The following USP51 variants were observed in gnomAD, a reference collection of about 807,000 sequenced individuals.
USP51 encodes the protein ubiquitin specific peptidase 51.
A neutral mutation model predicts 17.6 loss-of-function variants in USP51; 5 were observed. The ratio of observed to expected loss-of-function variants is 0.28; its 90% CI spans 0.15 to 0.60. The LOEUF (loss-of-function observed/expected upper bound fraction) is 0.60. Among genes scored for constraint, USP51 ranks in the 20% least tolerant of loss-of-function variants. The pLI is 0.88. For synonymous variants in USP51, 248 were observed against 216.1 expected, an observed-to-expected ratio of 1.15 and a Z score of -1.29; for missense variants, 459 against 559.5, an observed-to-expected ratio of 0.82 and a Z score of 1.81.
Position 55,488,381 on chromosome X carries a change from C to T in USP51, c.559G>A (p.Glu187Lys). 1 of 1,211,314 alleles carries T rather than the reference C, an allele frequency of 8.3e-7. No individual in the cohort carries two copies. Among genetic ancestry groups the T allele is most frequent in the South Asian group, 1.8e-5 (1 of 56,811 alleles). The change falls in exon 3 of 3, where the codon GAG becomes AAG. Residue 187 changes from glutamate (E) to lysine (K), a missense_variant. Physicochemically the swap from Glu to Lys is moderately conservative, Grantham distance 56. Transcript: ENST00000500968. ...GGLGDWLLEV[E>K]FGQGPTGCSH... ...CAGCCTGTGGGACCCTGACCAAACT[C>T]GACCTCCAGCAACCAGTCCCCTAAG...
chrX:55,488,890 C>T lies in USP51; in HGVS notation c.50G>A (p.Trp17Ter), dbSNP rs1434330913. 8.3e-6 allele frequency: 10 copies of T among 1,209,025 alleles called. No individual in the cohort carries two copies. Among genetic ancestry groups the T allele is most frequent in the Admixed American group, 2.2e-5 (1 of 45,982 alleles). ...GGCTCCTCCCCCACCTCCGGAGATCCAGCGGACCCCAGAGCCGGAGGGCAA... is the reference window on the plus strand; with the variant it reads ...GGCTCCTCCCCCACCTCCGGAGATCTAGCGGACCCCAGAGCCGGAGGGCAA... ...TSLPSGSGVR[W>*]ISGGGGGASP... The change falls in exon 3 of 3, where the codon TGG becomes TAG. Residue 17 changes from tryptophan to a stop codon, truncating the protein, a stop_gained. Coordinates refer to ENST00000500968, the MANE Select transcript of USP51 (RefSeq NM_201286.4). LOFTEE classifies it low-confidence loss of function (END_TRUNC).
Position 55,487,966 on chromosome X carries a change from A to T in USP51, c.974T>A (p.Met325Lys). The T allele has an allele frequency of 2.5e-6, 3 of 1,199,689 alleles. No individual in the cohort carries two copies. Among genetic ancestry groups the T allele is most frequent in the Middle Eastern group, 2.3e-4 (1 of 4,284 alleles). Residue 325 changes from methionine to lysine, a missense_variant, in exon 3 of 3, where the codon ATG becomes AAG. By Grantham distance (95) the Met-to-Lys change is moderately conservative. This residue lies in a region of USP51 where 227 missense variants were observed against 365.5 expected (regional missense o/e 0.62). Coordinates refer to ENST00000500968, the MANE Select transcript of USP51 (RefSeq NM_201286.4). ...TTGCTTGTCTTCAAACCCTGATGTC[A>T]TAAACTGTTGATGAGAAACATCTGT... Reference protein sequence around the residue: ...TSTDVSHQQFMTSGFEDKQST... With the variant: ...TSTDVSHQQFKTSGFEDKQST...
At position 55,486,685 on chromosome X, in the gene USP51, T is replaced by C; in HGVS notation, c.*119A>G. 1 of 999,894 alleles carries C rather than the reference T, an allele frequency of 1.0e-6. No individual in the cohort carries two copies. The highest frequency in any genetic ancestry group is 1.3e-6 in the Non-Finnish European group (1 of 752,158). 82.4% of individuals were successfully genotyped at this position (999,894 alleles called of 1,213,427 possible). ...GCCATGCTAAAATAGGTTCTTTATA[T>C]CAAGATACTAGCTGTCACATAGGTG... On this transcript the variant is annotated 3_prime_UTR_variant, in exon 3 of 3. Coordinates refer to ENST00000500968, the MANE Select transcript of USP51 (RefSeq NM_201286.4).
chrX:55,485,845 C>T lies in USP51; in HGVS notation c.*959G>A, dbSNP rs781614074. The T allele has an allele frequency of 9.0e-6, 1 of 110,511 alleles. No individual in the cohort carries two copies. Among genetic ancestry groups the T allele is most frequent in the Admixed American group, 9.6e-5 (1 of 10,432 alleles). 9.1% of individuals were successfully genotyped at this position (110,511 alleles called of 1,213,427 possible). A position where few individuals can be genotyped will look rare whatever the true frequency, so the allele number is the denominator to read the frequency against. Reference sequence around the variant, plus strand: ...TATTTTTTCAATTTTTGTCTTTAAACACATTTTGTCTTTTTGTCTTGAATT... The same window carrying T: ...TATTTTTTCAATTTTTGTCTTTAAATACATTTTGTCTTTTTGTCTTGAATT... On this transcript the variant is annotated 3_prime_UTR_variant, in exon 3 of 3. Transcript: ENST00000500968.
rs1402872612 is a variant in USP51 at position 55,485,886 on chromosome X, C to G, written c.*918G>C. On this transcript the variant is annotated 3_prime_UTR_variant, in exon 3 of 3. Transcript: ENST00000500968. ...GTCTTGAATTATTCTAAACTTGCCT[C>G]TTTTAAAACTTTTCTCTAAAATCTG... 9.0e-6 allele frequency: 1 copy of G among 111,046 alleles called. No homozygotes were observed. Among genetic ancestry groups the G allele is most frequent in the African/African-American group, 3.3e-5 (1 of 30,736 alleles). The allele number at this position is 111,046 out of a possible 1,213,427, so 9.2% of individuals were successfully genotyped here.
chrX:55,489,832 C>T lies in USP51; in HGVS notation c.-303G>A, dbSNP rs2031399959. On this transcript the variant is annotated 5_prime_UTR_variant, in exon 1 of 3. Coordinates refer to ENST00000500968, the MANE Select transcript of USP51 (RefSeq NM_201286.4). ...AGCAACTGCTGCTGTCCAGGCGCTC[C>T]TCAGCCAGCCTTCTCTCCTGACCTC... 8.9e-6 allele frequency among the ~76,000 whole-genome samples: 1 copy of T among 112,131 alleles called. No homozygotes were observed. Among genetic ancestry groups the T allele is most frequent in the Non-Finnish European group, 1.9e-5 (1 of 53,216 alleles).
Position 55,485,370 on chromosome X carries a change from G to C in USP51, c.*1434C>G, listed in dbSNP as rs1030621776. On this transcript the variant is annotated 3_prime_UTR_variant, in exon 3 of 3. Transcript: ENST00000500968. Reference sequence around the variant, plus strand: ...GACTTCCTTCAGGATATGAGATGGGGCATGGAATCTCAAGAGGGGAAGGTG... The same window carrying C: ...GACTTCCTTCAGGATATGAGATGGGCCATGGAATCTCAAGAGGGGAAGGTG... The C allele has an allele frequency of 9.0e-6, 1 of 111,421 alleles. No homozygotes were observed. Among genetic ancestry groups the C allele is most frequent in the African/African-American group, 3.3e-5 (1 of 30,644 alleles). 9.2% of individuals were successfully genotyped at this position (111,421 alleles called of 1,213,427 possible). A position where few individuals can be genotyped will look rare whatever the true frequency, so the allele number is the denominator to read the frequency against.
chrX:55,486,918 C>A lies in USP51; in HGVS notation c.2022G>T (p.Lys674Asn). The change falls in exon 3 of 3, where the codon AAG (lysine) becomes AAT (asparagine). Residue 674 changes from lysine to asparagine, a missense_variant. By Grantham distance (94) the Lys-to-Asn change is moderately conservative. Coordinates refer to ENST00000500968, the MANE Select transcript of USP51 (RefSeq NM_201286.4). ...GHYTSFIRQQ[K>N]DQWFSCDDAI... Reference sequence around the variant, plus strand: ...CATCATCACAGCTGAACCACTGGTCCTTTTGTTGCCGGATGAAGCTGGTAT... The same window carrying A: ...CATCATCACAGCTGAACCACTGGTCATTTTGTTGCCGGATGAAGCTGGTAT... 5 of 1,211,743 alleles carry A rather than the reference C, an allele frequency of 4.1e-6. No homozygotes were observed. Among genetic ancestry groups the A allele is most frequent in the Non-Finnish European group, 5.6e-6 (5 of 895,553 alleles).
Position 55,486,851 on chromosome X carries a change from C to T in USP51, c.2089G>A (p.Glu697Lys). ...KATIEDLLYS[E>K]GYLLFYHKQG... ...TTGTGATAGAACAGTAAATACCCTT[C>T]ACTGTAGAGTAAGTCCTCAATGGTA... is the stretch of plus-strand genomic sequence containing the variant. Residue 697 changes from glutamate to lysine, a missense_variant, in exon 3 of 3, where the codon GAA becomes AAA. Transcript: ENST00000500968. 2 of 1,208,359 alleles carry T rather than the reference C, an allele frequency of 1.7e-6. No individual in the cohort carries two copies. Among genetic ancestry groups the T allele is most frequent in the Non-Finnish European group, 2.2e-6 (2 of 892,908 alleles).
In USP51 at chrX:55,489,315, C is replaced by G. The variant is rs1282709989; in HGVS notation, c.-196G>C. 1 of 165,100 alleles carries G rather than the reference C, an allele frequency of 6.1e-6. No homozygotes were observed. The highest frequency in any genetic ancestry group is 1.1e-5 in the Non-Finnish European group (1 of 87,255). 13.6% of individuals were successfully genotyped at this position (165,100 alleles called of 1,213,427 possible). On this transcript the variant is annotated 5_prime_UTR_variant, in exon 2 of 3. Transcript: ENST00000500968. ...CACCCTCTGACTGCTTTTTTGCGCC[C>G]TGCGCAGCCTCGCTTTGGTGCAGCT... is the stretch of plus-strand genomic sequence containing the variant.
rs751812012 is a variant in USP51 at position 55,487,015 on chromosome X, C to T, written c.1925G>A (p.Cys642Tyr). ...RMKEGQPPTDCVPNENKYSLF... is the reference protein window; with the variant it reads ...RMKEGQPPTDYVPNENKYSLF... ...GGAATACTTATTCTCATTGGGCACA[C>T]AATCTGTTGGTGGCTGGCCTTCTTT... The change falls in exon 3 of 3, where the codon TGT becomes TAT. Residue 642 changes from cysteine to tyrosine, a missense_variant. Physicochemically the swap from Cys to Tyr is radical, Grantham distance 194. Transcript: ENST00000500968. 3 of 1,211,869 alleles carry T rather than the reference C, an allele frequency of 2.5e-6. No homozygotes were observed. The highest frequency in any genetic ancestry group is 2.2e-5 in the Admixed American group (1 of 46,071).
In USP51 at chrX:55,488,198, A is replaced by G. The variant is rs1243235092; in HGVS notation, c.742T>C (p.Ser248Pro). ...VCSTHMNRLH[S>P]CLSCVFFGCF... ...CCAAAAAAGACACAGGAGAGACAAG[A>G]GTGGAGTCTGTTCATATGGGTACTA... The change falls in exon 3 of 3, where the codon TCT becomes CCT. Residue 248 changes from serine (S) to proline (P), a missense_variant. Coordinates refer to ENST00000500968, the MANE Select transcript of USP51 (RefSeq NM_201286.4). The G allele has an allele frequency of 8.3e-7, 1 of 1,210,109 alleles. No homozygotes were observed. Among genetic ancestry groups the G allele is most frequent in the Non-Finnish European group, 1.1e-6 (1 of 895,298 alleles).
In USP51 at chrX:55,488,694, C is replaced by T; in HGVS notation, c.246G>A (p.Lys82=). Residue 82 remains lysine (K), a synonymous_variant, in exon 3 of 3, where the codon AAG becomes AAA. Coordinates refer to ENST00000500968, the MANE Select transcript of USP51 (RefSeq NM_201286.4). The part of the protein sequence containing the change: ...LTWSSSGGDE[K]VLPSIPLRCH... ...AGCGAAGGGGGATTGAAGGGAGCAC[C>T]TTCTCGTCGCCGCCGCTGCTGCTCC... is the stretch of plus-strand genomic sequence containing the variant. 1.7e-6 allele frequency: 2 copies of T among 1,200,475 alleles called. No individual in the cohort carries two copies. The highest frequency in any genetic ancestry group is 2.2e-6 in the Non-Finnish European group (2 of 894,886).
Position 55,489,296 on chromosome X carries a change from C to A in USP51, c.-177G>T, listed in dbSNP as rs1223118112. On this transcript the variant is annotated 5_prime_UTR_variant, in exon 2 of 3. Coordinates refer to ENST00000500968, the MANE Select transcript of USP51 (RefSeq NM_201286.4). ...ACTTCTTTAAAAAAGGCGCCACCCT[C>A]TGACTGCTTTTTTGCGCCCTGCGCA... The A allele has an allele frequency of 5.4e-6, 1 of 184,428 alleles. No homozygotes were observed. The highest frequency in any genetic ancestry group is 3.0e-5 in the African/African-American group (1 of 33,800). 15.2% of individuals were successfully genotyped at this position (184,428 alleles called of 1,213,427 possible).
chrX:55,486,747 C>A lies in USP51; in HGVS notation c.*57G>T. Reference sequence around the variant, plus strand: ...GTCCATTCCAAGTAGGTCTGTGTGTCACTTCAAAATCCTTGCCTAATCATT... The same window carrying A: ...GTCCATTCCAAGTAGGTCTGTGTGTAACTTCAAAATCCTTGCCTAATCATT... On this transcript the variant is annotated 3_prime_UTR_variant, in exon 3 of 3. Transcript: ENST00000500968. The A allele has an allele frequency of 8.7e-7, 1 of 1,147,465 alleles. No homozygotes were observed. The highest frequency in any genetic ancestry group is 1.2e-6 in the Non-Finnish European group (1 of 865,284). The allele number at this position is 1,147,465 out of a possible 1,213,427, so 94.6% of individuals were successfully genotyped here.
In USP51 at chrX:55,488,064, T is replaced by C. The variant is rs766965617; in HGVS notation, c.876A>G (p.Val292=). The change falls in exon 3 of 3, where the codon GTA becomes GTG. Residue 292 remains valine, a synonymous_variant. Coordinates refer to ENST00000500968, the MANE Select transcript of USP51 (RefSeq NM_201286.4). ...CAATCTGTTCTATGTCTTTGTCATATACATAATCCTTACACATGAAGCAAT... is the reference window on the plus strand; with the variant it reads ...CAATCTGTTCTATGTCTTTGTCATACACATAATCCTTACACATGAAGCAAT... The part of the protein sequence containing the change: ...VIYCFMCKDY[V]YDKDIEQIAK... 5.8e-6 allele frequency: 7 copies of C among 1,211,893 alleles called. No individual in the cohort carries two copies. In the African/African-American group the frequency reaches 6.9e-5, roughly 12 times the overall value.
Position 55,488,672 on chromosome X carries a change from G to C in USP51, c.268C>G (p.Arg90Gly). Residue 90 changes from arginine to glycine, a missense_variant, in exon 3 of 3, where the codon CGC becomes GGC. Arg to Gly is a moderately radical substitution (Grantham distance 125). Around this residue, in one of 2 missense-constraint regions of USP51, gnomAD observed 232 missense variants for 194.0 expected, o/e 1.20. Transcript: ENST00000500968. The part of the protein sequence containing the change: ...DEKVLPSIPL[R>G]CHSSSSPVCP... ...ACGGGCGAGGAGCTGCTGTGACAGC[G>C]AAGGGGGATTGAAGGGAGCACCTTC... 2 of 1,197,027 alleles carry C rather than the reference G, an allele frequency of 1.7e-6. No individual in the cohort carries two copies. Among genetic ancestry groups the C allele is most frequent in the Non-Finnish European group, 2.2e-6 (2 of 893,616 alleles).
chrX:55,485,077 G>T lies in USP51; in HGVS notation c.*1727C>A, dbSNP rs2031294544. 3 of 111,773 alleles carry T rather than the reference G, an allele frequency of 2.7e-5. No individual in the cohort carries two copies. The allele number at this position is 111,773 out of a possible 1,213,427, so 9.2% of individuals were successfully genotyped here. The stretch of plus-strand genomic sequence containing the variant: ...CATTGCTCTACTGTGGAAATTAAAG[G>T]TCTTGTTTCTCCTTGGAGGGGGAAG... On this transcript the variant is annotated 3_prime_UTR_variant, in exon 3 of 3. Coordinates refer to ENST00000500968, the MANE Select transcript of USP51 (RefSeq NM_201286.4).
rs762552049 is a variant in USP51, at chrX:55,488,875, C to T, written c.65G>A (p.Gly22Glu). 4.1e-6 allele frequency: 5 copies of T among 1,210,133 alleles called. No individual in the cohort carries two copies. Among genetic ancestry groups the T allele is most frequent in the Non-Finnish European group, 4.5e-6 (4 of 894,854 alleles). The change falls in exon 3 of 3, where the codon GGG becomes GAG. Residue 22 changes from glycine (G) to glutamate (E), a missense_variant. Physicochemically the swap from Gly to Glu is moderately conservative, Grantham distance 98. Coordinates refer to ENST00000500968, the MANE Select transcript of USP51 (RefSeq NM_201286.4). Reference sequence around the variant, plus strand: ...CGCCTCCTCAGGAGAGGCTCCTCCCCCACCTCCGGAGATCCAGCGGACCCC... The same window carrying T: ...CGCCTCCTCAGGAGAGGCTCCTCCCTCACCTCCGGAGATCCAGCGGACCCC... ...GSGVRWISGG[G>E]GGASPEEAVE...
Sources: gnomAD v4.1 joint callset for allele counts (sites outside exome capture counted in the v4.1 genomes callset) on GRCh38, gnomAD v4.1.1 for gene constraint, gnomAD v4.1.1 regional missense constraint, MANE v1.5 for transcripts, NCBI Gene and HGNC (gene_info 2026-07-23, HGNC 2026-07-21) for gene names.